Variants in FNDC3B observed in about 807,000 individuals in gnomAD.
FNDC3B encodes fibronectin type III domain-containing protein 3B.
A neutral mutation model predicts 151.5 loss-of-function variants in FNDC3B; 12 were observed. The ratio of observed to expected loss-of-function variants is 0.08; its 90% CI spans 0.05 to 0.13. The LOEUF is 0.13. FNDC3B is among the 10% of genes least tolerant of loss of function. FNDC3B has a pLI of 1.00. For synonymous variants in FNDC3B, 528 were observed against 549.0 expected (o/e 0.96, Z 0.54); for missense variants, 1,214 against 1,505.3 (o/e 0.81, Z 3.20).
chr3:172,196,262 AT>A (rs1286264477), intron 3 of FNDC3B, among the ~76,000 whole-genome samples: 2 of 152,028 alleles, frequency 1.3e-5, no homozygotes, highest in African/African-American at 4.8e-5. Context: ...ATCATAGTTC[AT>A]TGCAGCCTCG....
intron 3 of FNDC3B, among the ~76,000 whole-genome samples, chr3:172,140,923 C>T (rs1721595217): frequency 1.3e-5 from 2 of 152,142 alleles, no homozygotes; most frequent in African/African-American, 2.4e-5. Context: ...AATGTTGTGT[C>T]ATCAGACTTA....
At chr3:172,147,695 A>T (rs1721989001) in intron 3 of FNDC3B, among the ~76,000 whole-genome samples, 1 of 152,156 alleles carries the variant, frequency 6.6e-6, no homozygotes, top group Non-Finnish European at 1.5e-5. Context: ...GGGTGGGGCC[A>T]GAAAATTTGT....
intron 6 of FNDC3B, among the ~76,000 whole-genome samples, chr3:172,259,696 A>G (rs2108787628): frequency 6.6e-6 from 1 of 152,300 alleles, no homozygotes; most frequent in South Asian, 2.1e-4. Flanking sequence ...CCAAATTGTT[A>G]ATTAGTAGAG....
intron 8 of FNDC3B, among the ~76,000 whole-genome samples, chr3:172,296,909 A>G (rs906395463): frequency 6.6e-6 from 1 of 152,138 alleles, no homozygotes; most frequent in Admixed American, 6.6e-5. Context: ...GGGTCCTGGT[A>G]CTGATTCCTT....
chr3:172,334,420 A>G (rs1412846283), intron 14 of FNDC3B, among the ~76,000 whole-genome samples: 1 of 151,032 alleles, frequency 6.6e-6, no homozygotes, highest in Non-Finnish European at 1.5e-5. Flanking sequence ...AATATCTTTA[A>G]AACCCATCTT....
At chr3:172,206,194 A>C (rs577839670) in intron 3 of FNDC3B, among the ~76,000 whole-genome samples, 1 of 152,170 alleles carries the variant, frequency 6.6e-6, no homozygotes, top group Non-Finnish European at 1.5e-5. Context: ...TATAGGAGTA[A>C]TGTTTATTGC....
At chr3:172,339,585 C>A (rs1733183350) in intron 16 of FNDC3B, among the ~76,000 whole-genome samples, 1 of 152,014 alleles carries the variant, frequency 6.6e-6, no homozygotes, top group Non-Finnish European at 1.5e-5. Flanking sequence ...AAAAAACAAA[C>A]AAACAAACAA....
At chr3:172,298,673 T>C in intron 8 of FNDC3B, 55 bp from the exon 9 acceptor site, 6 of 1,311,226 alleles carry the variant, frequency 4.6e-6, no homozygotes, top group South Asian at 1.3e-5. Context: ...AAATTCCAAA[T>C]CTCGTTTGCT....
At chr3:172,150,719 T>G (rs920945057) in intron 3 of FNDC3B, among the ~76,000 whole-genome samples, 2 of 152,162 alleles carry the variant, frequency 1.3e-5, no homozygotes, top group Non-Finnish European at 2.9e-5. Context: ...AATATGCTTA[T>G]AATTTTTTAT....
At chr3:172,294,538 T>C (rs879683252) in intron 7 of FNDC3B, among the ~76,000 whole-genome samples, 4 of 152,158 alleles carry the variant, frequency 2.6e-5, no homozygotes, top group Admixed American at 1.3e-4. Flanking sequence ...AATGATCCAG[T>C]CACCTCCCAC....
At chr3:172,240,374 A>G (rs141726050) in intron 4 of FNDC3B, among the ~76,000 whole-genome samples, 2 of 152,286 alleles carry the variant, frequency 1.3e-5, no homozygotes, top group East Asian at 3.9e-4. Context: ...TTGTTACATT[A>G]TGTATCAGGT....
chr3:172,062,159 T>TCC (rs1161363533), intron 1 of FNDC3B, among the ~76,000 whole-genome samples: 2 of 152,102 alleles, frequency 1.3e-5, no homozygotes, highest in Non-Finnish European at 2.9e-5. Flanking sequence ...AAGTGCTCAG[T>TCC]CCCCATTCCT....
intron 1 of FNDC3B, among the ~76,000 whole-genome samples, chr3:172,110,262 C>T (rs1399179151): frequency 6.6e-6 from 1 of 152,164 alleles, no homozygotes; most frequent in East Asian, 1.9e-4. Flanking sequence ...TCAACCTCCC[C>T]ATTCCCTCAC....
At chr3:172,152,789 T>C (rs996543326) in intron 3 of FNDC3B, among the ~76,000 whole-genome samples, 1 of 152,146 alleles carries the variant, frequency 6.6e-6, no homozygotes, top group Non-Finnish European at 1.5e-5. Context: ...CTAGGAGCCC[T>C]GCTATTTCAG....
chr3:172,296,930 C>G (rs1033017464), intron 8 of FNDC3B, among the ~76,000 whole-genome samples: 1 of 152,026 alleles, frequency 6.6e-6, no homozygotes, highest in Admixed American at 6.6e-5. Context: ...GTGTATACTG[C>G]GGGACAACTG....
chr3:172,238,861 A>C (rs59976239), intron 4 of FNDC3B, among the ~76,000 whole-genome samples: 10,088 of 152,174 alleles, frequency 0.066, 401 homozygotes, highest in South Asian at 0.12. Context: ...TTCTGTATAA[A>C]TGTTTGTGAT....
chr3:172,084,767 T>A (rs1159784886), intron 1 of FNDC3B, among the ~76,000 whole-genome samples: 2 of 152,242 alleles, frequency 1.3e-5, no homozygotes, highest in African/African-American at 4.8e-5. Flanking sequence ...AATAAAACTT[T>A]CATAAAGTAG....
intron 3 of FNDC3B, among the ~76,000 whole-genome samples, chr3:172,209,507 G>A (rs932737218): frequency 3.3e-5 from 5 of 152,198 alleles, no homozygotes; most frequent in African/African-American, 1.2e-4. Context: ...TCCACAGACA[G>A]GTGATGAGTC....
intron 1 of FNDC3B, among the ~76,000 whole-genome samples, chr3:172,097,946 G>C (rs1309484475): frequency 6.6e-6 from 1 of 152,018 alleles, no homozygotes; most frequent in African/African-American, 2.4e-5. Flanking sequence ...AGTAGAACTG[G>C]CAGGGGCATT....
Sources: gnomAD v4.1 joint callset for allele counts (sites outside exome capture counted in the v4.1 genomes callset) on GRCh38, gnomAD v4.1.1 for gene constraint, MANE v1.5 for transcripts, NCBI Gene and HGNC (gene_info 2026-07-23, HGNC 2026-07-21) for gene names.